MCTP2: variants seen among roughly 807,000 people sequenced by gnomAD.
MCTP2 encodes the protein multiple C2 and transmembrane domain-containing protein 2.
In MCTP2, 132 loss-of-function variants were observed where a neutral mutation model predicts 111.6. The observed-to-expected ratio is 1.18, with a 90% CI of 1.03 to 1.37. The LOEUF (loss-of-function observed/expected upper bound fraction) is 1.37. Among genes scored for constraint, MCTP2 ranks in the 40% most tolerant of loss-of-function variants. The pLI is 0.00. For missense variants in MCTP2, 1,183 were observed against 1,067.9 expected (o/e 1.11, Z -1.50); for synonymous variants, 395 against 387.7 (o/e 1.02, Z -0.22).
chr15:94,341,378 G>A (rs1596407210), intron 7 of MCTP2: 1 of 153,288 alleles, frequency 6.5e-6, no homozygotes, highest in East Asian at 1.9e-4. Context: ...GAGCAAAAAT[G>A]TGGATACAAA....
At chr15:94,244,312 A>G (rs1596150494) in intron 1 of MCTP2, among the ~76,000 whole-genome samples, 1 of 148,562 alleles carries the variant, frequency 6.7e-6, no homozygotes, top group African/African-American at 2.5e-5. Context: ...ATTTATATAC[A>G]CATATGTATA....
intron 20 of MCTP2, among the ~76,000 whole-genome samples, chr15:94,461,364 G>A (rs1472048994): frequency 2.0e-5 from 3 of 152,152 alleles, no homozygotes; most frequent in Non-Finnish European, 2.9e-5. Context: ...AGAGGCTGAG[G>A]CAGGAGAATC....
intron 18 of MCTP2, among the ~76,000 whole-genome samples, chr15:94,442,683 G>T (rs2083850568): frequency 6.6e-6 from 1 of 152,138 alleles, no homozygotes; most frequent in Non-Finnish European, 1.5e-5. Context: ...CCTTCAAAGG[G>T]CACTGGCCTA....
At chr15:94,358,010 C>T (rs933622678) in intron 9 of MCTP2, among the ~76,000 whole-genome samples, 4 of 152,136 alleles carry the variant, frequency 2.6e-5, no homozygotes, top group African/African-American at 9.7e-5. Flanking sequence ...ATATACAAGT[C>T]GTGGGTTTCT....
chr15:94,344,897 T>C (rs1278911807), intron 7 of MCTP2, among the ~76,000 whole-genome samples: 1 of 152,208 alleles, frequency 6.6e-6, no homozygotes, highest in Non-Finnish European at 1.5e-5. Context: ...TCATGGCTTT[T>C]TCATACTGAA....
intron 1 of MCTP2, chr15:94,274,063 C>T (rs2074055953): frequency 5.6e-6 from 1 of 177,574 alleles, no homozygotes; most frequent in Non-Finnish European, 1.4e-5. Context: ...GCATGTGTTT[C>T]TTTGGAGCTT....
At position 94,480,728 on chromosome 15, in the gene MCTP2, T is replaced by G. The variant is rs1316609990; in HGVS notation, c.*1694T>G. 1 of 152,240 alleles carries G rather than the reference T, an allele frequency of 6.6e-6. No homozygotes were observed. Among genetic ancestry groups the G allele is most frequent in the Non-Finnish European group, 1.5e-5 (1 of 68,040 alleles). The allele number at this position is 152,240 out of a possible 1,614,324, so 9.4% of individuals were successfully genotyped here. Reference sequence around the variant, plus strand: ...AAACAGACATGTGAGATCTGATCAGTCATTTGAATGAAAACTTTCAGCAGC... The same window carrying G: ...AAACAGACATGTGAGATCTGATCAGGCATTTGAATGAAAACTTTCAGCAGC... On this transcript the variant is annotated 3_prime_UTR_variant, in exon 23 of 23. Transcript: ENST00000357742.
chr15:94,472,905 A>AT (rs909405749), intron 21 of MCTP2, among the ~76,000 whole-genome samples: 7 of 152,128 alleles, frequency 4.6e-5, no homozygotes, highest in Admixed American at 4.6e-4. Context: ...CTTTGCAGCA[A>AT]TTTTTTTCTC....
chr15:94,327,679 G>C (rs941786577), intron 4 of MCTP2, among the ~76,000 whole-genome samples: 1 of 152,212 alleles, frequency 6.6e-6, no homozygotes, highest in Admixed American at 6.5e-5. Context: ...CACTCTTTGA[G>C]TTTTGGTAGC....
In MCTP2 at chr15:94,340,827, T is replaced by C. The variant is rs1400533475; in HGVS notation, c.872T>C (p.Ile291Thr). The change falls in exon 7 of 23, where the codon ATT becomes ACT. Residue 291 changes from isoleucine (I) to threonine (T), a missense_variant. Physicochemically the swap from Ile to Thr is moderately conservative, Grantham distance 89. Transcript: ENST00000357742. ...TTTGCTTGTAGAACAACTGAACATA[T>C]TTTAAAACTGGAAGATCCAAACAGT... is the stretch of plus-strand genomic sequence containing the variant. Reference protein sequence around the residue: ...DLELNRTTEHILKLEDPNSLE... With the variant: ...DLELNRTTEHTLKLEDPNSLE... 6.2e-7 allele frequency: 1 copy of C among 1,610,350 alleles called. No individual in the cohort carries two copies. The highest frequency in any genetic ancestry group is 1.1e-5 in the South Asian group (1 of 90,918).
chr15:94,383,999 C>T (rs574462479), intron 12 of MCTP2, 23 bp from the exon 13 acceptor site: 14 of 1,524,516 alleles, frequency 9.2e-6, no homozygotes, highest in African/African-American at 5.5e-5. Flanking sequence ...TGTCTTTGAC[C>T]GATGTGTATG....
chr15:94,442,160 C>G (rs2083819432), intron 18 of MCTP2, among the ~76,000 whole-genome samples: 1 of 152,230 alleles, frequency 6.6e-6, no homozygotes, highest in Admixed American at 6.5e-5. Flanking sequence ...TGAAAATAGA[C>G]CGTGTTGTCT....
intron 10 of MCTP2, among the ~76,000 whole-genome samples, chr15:94,361,463 GT>G (rs1343963316): frequency 1.3e-5 from 2 of 152,146 alleles, no homozygotes; most frequent in Non-Finnish European, 2.9e-5. Flanking sequence ...TCCCTGTGGA[GT>G]CTGGCTCTGT....
chr15:94,310,670 T>A (rs551029057), intron 2 of MCTP2, among the ~76,000 whole-genome samples: 3 of 151,580 alleles, frequency 2.0e-5, no homozygotes, highest in Admixed American at 2.0e-4. Flanking sequence ...AGAAAATTTA[T>A]AAAATAAATA....
intron 8 of MCTP2, among the ~76,000 whole-genome samples, chr15:94,349,836 AG>A (rs2078207986): frequency 6.6e-6 from 1 of 151,576 alleles, no homozygotes; most frequent in African/African-American, 2.4e-5. Flanking sequence ...AAAAAAAAAA[AG>A]ACTGGAATGA....
chr15:94,428,312 A>T (rs2082990706), intron 17 of MCTP2, among the ~76,000 whole-genome samples: 1 of 152,154 alleles, frequency 6.6e-6, no homozygotes, highest in South Asian at 2.1e-4. Flanking sequence ...ATATACGTTA[A>T]ATTATTCTAC....
intron 1 of MCTP2, among the ~76,000 whole-genome samples, chr15:94,261,445 A>G (rs918389493): frequency 1.3e-5 from 2 of 152,160 alleles, no homozygotes; most frequent in Non-Finnish European, 2.9e-5. Context: ...TACCATCAAA[A>G]ACCAACCGGT....
At position 94,392,673 on chromosome 15, in the gene MCTP2, G is replaced by A. The variant is rs140514996; in HGVS notation, c.1789-6288G>A. On this transcript the variant is annotated intron_variant, in intron 14 of 22. Coordinates refer to ENST00000357742, the MANE Select transcript of MCTP2 (RefSeq NM_001385001.1). Reference sequence around the variant, plus strand: ...TACTAAGAATGCAAAAAAATTAGCTGGGCATGGTGGCATGCGCCTGTAATC... The same window carrying A: ...TACTAAGAATGCAAAAAAATTAGCTAGGCATGGTGGCATGCGCCTGTAATC... 9.8e-3 allele frequency among the ~76,000 whole-genome samples: 1,483 copies of A among 151,752 alleles called. 24 individuals carry two copies. Among genetic ancestry groups the A allele is most frequent in the African/African-American group, 0.033 (1,356 of 41,350 alleles).
At chr15:94,431,454 T>C (rs929132704) in intron 17 of MCTP2, among the ~76,000 whole-genome samples, 1 of 152,206 alleles carries the variant, frequency 6.6e-6, no homozygotes, top group African/African-American at 2.4e-5. Context: ...TCATGAAGTC[T>C]GAATGTCTTA....
Sources: allele counts gnomAD v4.1 joint callset (sites outside exome capture counted in the v4.1 genomes callset), GRCh38; gene constraint gnomAD v4.1.1; transcripts MANE v1.5; gene names NCBI Gene and HGNC (gene_info 2026-07-23, HGNC 2026-07-21).